Variants in PKD1L1 observed in about 807,000 individuals in gnomAD.
The protein encoded by PKD1L1 is polycystin 1 like 1, transient receptor potential channel interacting.
In PKD1L1, 236 loss-of-function variants were observed where a neutral mutation model predicts 323.4. The ratio of observed to expected loss-of-function variants is 0.73; its 90% CI spans 0.66 to 0.81. The LOEUF (loss-of-function observed/expected upper bound fraction) is 0.81. Ranked by LOEUF, PKD1L1 falls within the 40% of genes least tolerant of loss-of-function variation. The probability of loss-of-function intolerance (pLI) is 0.00; values close to 1 mark genes in which losing one functional copy is unlikely to be tolerated. For synonymous variants in PKD1L1, 1,344 were observed against 1,335.0 expected, an observed-to-expected ratio of 1.01 and a Z score of -0.15; for missense variants, 3,320 against 3,508.0, an observed-to-expected ratio of 0.95 and a Z score of 1.35.
At chr7:47,873,676 G>GAAAAAAAAAAAAAAAAAAAAAA (rs1562967528) in intron 24 of PKD1L1, among the ~76,000 whole-genome samples, 1 of 131,916 alleles carries the variant, frequency 7.6e-6, no homozygotes, top group Non-Finnish European at 1.6e-5. Flanking sequence ...AAAAAAGAAG[G>GAAAAAAAAAAAAAAAAAAAAAA]AGAAGAAAGT....
chr7:47,877,046 C>T (rs775799609), intron 22 of PKD1L1, among the ~76,000 whole-genome samples: 4 of 152,238 alleles, frequency 2.6e-5, no homozygotes, highest in Admixed American at 6.5e-5. Context: ...TCACAAGACC[C>T]TGAGCAACAA....
At chr7:47,864,618 T>TTC (rs1261246591) in intron 26 of PKD1L1, among the ~76,000 whole-genome samples, 2 of 144,878 alleles carry the variant, frequency 1.4e-5, no homozygotes, top group Admixed American at 7.0e-5. Context: ...CTTTCTTTCT[T>TTC]TCTTTCTTTC....
chr7:47,885,815 C>A lies in PKD1L1; in HGVS notation c.3076G>T (p.Ala1026Ser). ...VYWIPPAGDS[A>S]VLGEAPEEGS... ...TCCTCTGGAGCCTCCCCCAGGACTG[C>A]AGAGTCCCCCGCAGGAGGAATCCAG... The change falls in exon 18 of 57, where the codon GCA becomes TCA. Residue 1026 changes from alanine to serine, a missense_variant. Physicochemically the swap from Ala to Ser is moderately conservative, Grantham distance 99. Coordinates refer to ENST00000289672, the MANE Select transcript of PKD1L1 (RefSeq NM_138295.5). The A allele has an allele frequency of 6.2e-7, 1 of 1,614,198 alleles. No homozygotes were observed. Among genetic ancestry groups the A allele is most frequent in the Non-Finnish European group, 8.5e-7 (1 of 1,180,036 alleles).
intron 30 of PKD1L1, among the ~76,000 whole-genome samples, 196 bp downstream of exon 30, chr7:47,854,686 G>A (rs1785857318): frequency 6.6e-6 from 1 of 152,150 alleles, no homozygotes; most frequent in South Asian, 2.1e-4. Context: ...AATGTTAACA[G>A]GCAGGAATTC....
intron 42 of PKD1L1, among the ~76,000 whole-genome samples, chr7:47,830,646 G>T (rs1380975351): frequency 1.3e-5 from 2 of 152,180 alleles, no homozygotes; most frequent in African/African-American, 4.8e-5. Context: ...AACATCTACA[G>T]TTGAGGAGAG....
At chr7:47,906,796 A>G (rs1198452381) in intron 9 of PKD1L1, among the ~76,000 whole-genome samples, 1 of 152,226 alleles carries the variant, frequency 6.6e-6, no homozygotes, top group African/African-American at 2.4e-5. Context: ...AAAAATAAAT[A>G]TCATATGACT....
intron 8 of PKD1L1, among the ~76,000 whole-genome samples, chr7:47,910,492 G>C (rs918256948): frequency 4.0e-5 from 6 of 151,676 alleles, no homozygotes; most frequent in African/African-American, 1.5e-4. Context: ...CCGCCACCAT[G>C]CCTGGCTAAT....
At chr7:47,799,699 G>A (rs1041509002) in intron 54 of PKD1L1, among the ~76,000 whole-genome samples, 3 of 152,186 alleles carry the variant, frequency 2.0e-5, no homozygotes, top group African/African-American at 7.2e-5. Flanking sequence ...CGCTGAACGA[G>A]TCACAGTGGA....
In PKD1L1 at chr7:47,915,610, A is replaced by G. The variant is rs551868386; in HGVS notation, c.1061-11T>C. ...GATGAAAAAAAATACCTATAAAAGC[A>G]AAAAGAAGAAAATAAAGATAAAAGT... On this transcript the variant is annotated splice_polypyrimidine_tract_variant and intron_variant, in intron 7 of 56. Transcript: ENST00000289672. The G allele has an allele frequency of 2.2e-5, 32 of 1,458,076 alleles. 1 individual carries two copies. In the South Asian group the frequency reaches 3.6e-4, roughly 16 times the overall value. 90.3% of individuals were successfully genotyped at this position (1,458,076 alleles called of 1,614,324 possible).
Position 47,840,379 on chromosome 7 carries a change from C to A in PKD1L1, c.5552+82G>T. 1 of 940,272 alleles carries A rather than the reference C, an allele frequency of 1.1e-6. No homozygotes were observed. Among genetic ancestry groups the A allele is most frequent in the Non-Finnish European group, 1.7e-6 (1 of 587,622 alleles). 58.2% of individuals were successfully genotyped at this position (940,272 alleles called of 1,614,324 possible). ...TTAGAGACCAATGTTATGTATTCTA[C>A]TGTTTTGTATTTGTGATAAGGTTAC... On this transcript the variant is annotated intron_variant, in intron 35 of 56. Transcript: ENST00000289672. The surrounding 1 kb of genome is among the most constrained non-coding windows in gnomAD (Gnocchi z 4.1).
chr7:47,864,576 TTTTC>T (rs199500886), intron 26 of PKD1L1, among the ~76,000 whole-genome samples: 10,320 of 107,312 alleles, frequency 0.096, 467 homozygotes, highest in Middle Eastern at 0.1. Flanking sequence ...TTTTTCTTTC[TTTTC>T]TTTCTTTCTT....
At chr7:47,797,430 A>C (rs1784567891) in intron 54 of PKD1L1, among the ~76,000 whole-genome samples, 2 of 152,214 alleles carry the variant, frequency 1.3e-5, no homozygotes, top group African/African-American at 4.8e-5. Context: ...AACCCCTCAC[A>C]AAATTTCAGA....
At chr7:47,880,265 C>CATATATATAT (rs1223516389) in intron 21 of PKD1L1, among the ~76,000 whole-genome samples, 12 of 75,630 alleles carry the variant, frequency 1.6e-4, no homozygotes, top group Non-Finnish European at 2.0e-4. Flanking sequence ...TATATATATA[C>CATATATATAT]ATATATATAT....
At position 47,839,360 on chromosome 7, in the gene PKD1L1, C is replaced by T; in HGVS notation, c.5769+86G>A. 1 of 1,088,080 alleles carries T rather than the reference C, an allele frequency of 9.2e-7. No individual in the cohort carries two copies. The highest frequency in any genetic ancestry group is 2.6e-5 in the East Asian group (1 of 38,716). The allele number at this position is 1,088,080 out of a possible 1,614,324, so 67.4% of individuals were successfully genotyped here. On this transcript the variant is annotated intron_variant, in intron 36 of 56. Transcript: ENST00000289672. This position sits in a 1 kb window ranked among gnomAD's most constrained non-coding sequence, Gnocchi z 4.3. ...TACACTTTAGAAGAGTTCAAAGACA[C>T]AACTGTGGCAAGCGAAGCAGAGACA...
At chr7:47,904,678 C>A (rs1055908338) in intron 11 of PKD1L1, 61 bp from the exon 12 acceptor site, 3 of 1,542,522 alleles carry the variant, frequency 1.9e-6, no homozygotes, top group Non-Finnish European at 2.6e-6. Context: ...AGGGTCAGGT[C>A]TAGAGAAACC....
At chr7:47,784,575 C>A (rs923331617) in intron 56 of PKD1L1, among the ~76,000 whole-genome samples, 1 of 152,058 alleles carries the variant, frequency 6.6e-6, no homozygotes, top group Non-Finnish European at 1.5e-5. Flanking sequence ...CAGGCTCAAG[C>A]AATTCTCCTG....
chr7:47,863,118 T>C (rs1051548043), intron 26 of PKD1L1, among the ~76,000 whole-genome samples: 2 of 152,096 alleles, frequency 1.3e-5, no homozygotes, highest in Admixed American at 1.3e-4. Context: ...AGATGGGACT[T>C]CTTTATAAGT....
At position 47,800,512 on chromosome 7, in the gene PKD1L1, G is replaced by C. The variant is rs1195346481; in HGVS notation, c.8193+137C>G. 4.6e-5 allele frequency: 40 copies of C among 870,698 alleles called. No individual in the cohort carries two copies. In the Admixed American group the frequency reaches 7.9e-4, roughly 17 times the overall value. The allele number at this position is 870,698 out of a possible 1,614,324, so 53.9% of individuals were successfully genotyped here. ...GGACCTGACCTCCCAGGGCAGGTGA[G>C]CTGGACGGCAGGGATTCATTACCAT... On this transcript the variant is annotated intron_variant, in intron 54 of 56. Transcript: ENST00000289672.
chr7:47,894,830 C>T (rs929975909), intron 14 of PKD1L1, among the ~76,000 whole-genome samples: 2 of 150,420 alleles, frequency 1.3e-5, no homozygotes, highest in Non-Finnish European at 2.9e-5. Context: ...TACACTCCAG[C>T]CTGGGCAACA....
Sources: allele counts gnomAD v4.1 joint callset (sites outside exome capture counted in the v4.1 genomes callset), GRCh38; gene constraint gnomAD v4.1.1; non-coding constraint Gnocchi (gnomAD v3.1); transcripts MANE v1.5; gene names NCBI Gene and HGNC (gene_info 2026-07-23, HGNC 2026-07-21).